The following ZNF407 variants were observed in gnomAD, a reference collection of about 807,000 sequenced individuals.
ZNF407 encodes the protein zinc finger protein 407.
Under a neutral mutation model 131.2 loss-of-function variants are expected in ZNF407, and 17 were observed. The observed-to-expected ratio is 0.13, with a 90% CI of 0.09 to 0.19. The LOEUF (loss-of-function observed/expected upper bound fraction) is 0.19, where lower values mean the gene tolerates loss of function less well. Among genes scored for constraint, ZNF407 ranks in the 10% least tolerant of loss-of-function variants. The pLI is 1.00. For missense variants in ZNF407, 2,681 were observed against 2,830.6 expected (o/e 0.95, Z 1.20); for synonymous variants, 1,156 against 1,062.0 (o/e 1.09, Z -1.72).
At chr18:74,625,288 A>G (rs768254133) in intron 1 of ZNF407, among the ~76,000 whole-genome samples, 56 of 152,046 alleles carry the variant, frequency 3.7e-4, no homozygotes, top group Non-Finnish European at 6.3e-4. Flanking sequence ...TTTTGTCTGT[A>G]AAAATATGAG....
At chr18:74,766,975 A>G (rs1276496348) in intron 3 of ZNF407, among the ~76,000 whole-genome samples, 1 of 152,140 alleles carries the variant, frequency 6.6e-6, no homozygotes, top group Non-Finnish European at 1.5e-5. Flanking sequence ...GCGGTGGCAC[A>G]GTCTCTGCTC....
chr18:74,608,639 G>A lies in ZNF407; in HGVS notation c.-54+10702G>A, dbSNP rs562599536. ...TGGGATTACAGGTGTAAGCCACCGCGCCTGGCCAGTTCCTTTAGATTGCTT... is the reference window on the plus strand; with the variant it reads ...TGGGATTACAGGTGTAAGCCACCGCACCTGGCCAGTTCCTTTAGATTGCTT... On this transcript the variant is annotated intron_variant, in intron 1 of 8. Transcript: ENST00000299687. Among the ~76,000 whole-genome samples the A allele has an allele frequency of 2.4e-4, 37 of 152,296 alleles. No homozygotes were observed. In the South Asian group the frequency reaches 6.0e-3, roughly 25 times the overall value.
intron 8 of ZNF407, among the ~76,000 whole-genome samples, chr18:74,924,105 G>A (rs1406770408): frequency 1.3e-5 from 2 of 152,072 alleles, no homozygotes; most frequent in East Asian, 1.9e-4. Context: ...CAAGGAGTAC[G>A]TTTTATATGA....
chr18:74,744,848 A>G (rs891931261), intron 3 of ZNF407, among the ~76,000 whole-genome samples: 3 of 151,974 alleles, frequency 2.0e-5, no homozygotes, highest in African/African-American at 7.2e-5. Context: ...TAATATCATT[A>G]TTTCCTACTT....
chr18:74,638,196 G>A (rs1364807181), intron 2 of ZNF407, among the ~76,000 whole-genome samples: 1 of 152,176 alleles, frequency 6.6e-6, no homozygotes, highest in Non-Finnish European at 1.5e-5. Flanking sequence ...AGTTAGGGCT[G>A]GTAGTGTTTG....
At chr18:74,620,292 T>G (rs1316579557) in intron 1 of ZNF407, among the ~76,000 whole-genome samples, 1 of 152,156 alleles carries the variant, frequency 6.6e-6, no homozygotes, top group East Asian at 1.9e-4. Flanking sequence ...CTGTGCTGAT[T>G]TTGCAGGCCA....
intron 3 of ZNF407, among the ~76,000 whole-genome samples, chr18:74,763,420 A>C (rs2144979128): frequency 6.6e-6 from 1 of 151,698 alleles, no homozygotes; most frequent in Non-Finnish European, 1.5e-5. Flanking sequence ...GGGGAGAATT[A>C]AAAAATTTCC....
chr18:74,910,948 A>G (rs1453364572), intron 7 of ZNF407, among the ~76,000 whole-genome samples: 1 of 152,002 alleles, frequency 6.6e-6, no homozygotes, highest in Non-Finnish European at 1.5e-5. Context: ...CCTGTTACCT[A>G]GTGTGATCCT....
intron 3 of ZNF407, among the ~76,000 whole-genome samples, chr18:74,759,376 A>G (rs144639296): frequency 1.3e-5 from 2 of 152,206 alleles, no homozygotes; most frequent in Admixed American, 1.3e-4. Context: ...GTTAAGACTA[A>G]TGTTTTGCAT....
intron 3 of ZNF407, among the ~76,000 whole-genome samples, chr18:74,713,899 G>A (rs2045486): frequency 0.69 from 104,714 of 152,002 alleles, 37,032 homozygotes; most frequent in East Asian, 0.85. Context: ...GCATAATATG[G>A]CAGAACTAAC....
chr18:75,000,068 A>G (rs949374172), intron 8 of ZNF407, among the ~76,000 whole-genome samples: 1 of 152,212 alleles, frequency 6.6e-6, no homozygotes, highest in African/African-American at 2.4e-5. Flanking sequence ...GTGGATTTGT[A>G]TTACAAGGAA....
At chr18:74,714,309 C>T (rs553130520) in intron 3 of ZNF407, among the ~76,000 whole-genome samples, 76 of 152,204 alleles carry the variant, frequency 5.0e-4, no homozygotes, top group Non-Finnish European at 9.7e-4. Flanking sequence ...TGCAGTTCAG[C>T]ATCTGGCTCT....
chr18:74,965,882 G>A (rs1972403891), intron 8 of ZNF407, among the ~76,000 whole-genome samples: 1 of 152,148 alleles, frequency 6.6e-6, no homozygotes, highest in Admixed American at 6.5e-5. Context: ...ATATCTCATT[G>A]TAGTTTTGAT....
chr18:74,671,462 A>G (rs1986137550), intron 3 of ZNF407, among the ~76,000 whole-genome samples: 1 of 152,050 alleles, frequency 6.6e-6, no homozygotes, highest in African/African-American at 2.4e-5. Context: ...CTCTGGTATT[A>G]AACCTAGTAC....
chr18:74,958,462 C>T (rs760193955), intron 8 of ZNF407, among the ~76,000 whole-genome samples: 24 of 151,666 alleles, frequency 1.6e-4, no homozygotes, highest in Non-Finnish European at 3.1e-4. Flanking sequence ...TGAGGAGGAG[C>T]CCCGTCATAT....
In ZNF407 at chr18:74,609,566, G is replaced by T. The variant is rs1273824020; in HGVS notation, c.-54+11629G>T. On this transcript the variant is annotated intron_variant, in intron 1 of 8. Transcript: ENST00000299687. ...GCACTTACCATGATGGAGCTTGTGG[G>T]ACTGGAAGTTGCTCTGGGTGAGTCA... 3.3e-5 allele frequency among the ~76,000 whole-genome samples: 5 copies of T among 152,228 alleles called. No individual in the cohort carries two copies. In the East Asian group the frequency reaches 9.6e-4, roughly 29 times the overall value.
At chr18:74,893,239 C>T (rs1385969667) in intron 7 of ZNF407, among the ~76,000 whole-genome samples, 1 of 152,060 alleles carries the variant, frequency 6.6e-6, no homozygotes. Flanking sequence ...AAATAAAAGA[C>T]TTATGACATT....
At chr18:74,620,173 A>T (rs1392219698) in intron 1 of ZNF407, among the ~76,000 whole-genome samples, 1 of 152,222 alleles carries the variant, frequency 6.6e-6, no homozygotes, top group Admixed American at 6.5e-5. Flanking sequence ...GATGGTTGAT[A>T]TAAGGTTGTC....
intron 3 of ZNF407, among the ~76,000 whole-genome samples, chr18:74,686,992 C>G (rs988544970): frequency 6.6e-6 from 1 of 152,066 alleles, no homozygotes; most frequent in Non-Finnish European, 1.5e-5. Flanking sequence ...TAAAACAGAC[C>G]AAAATGCTGG....
Sources: allele counts gnomAD v4.1 joint callset (sites outside exome capture counted in the v4.1 genomes callset), GRCh38; gene constraint gnomAD v4.1.1; transcripts MANE v1.5; gene names NCBI Gene and HGNC (gene_info 2026-07-23, HGNC 2026-07-21).